The following ADAMTSL3 variants were observed in gnomAD, a reference collection of about 807,000 sequenced individuals.
ADAMTSL3 encodes ADAMTS like 3, also known as ADAMTS-like protein 3.
ADAMTSL3 carries 128 observed loss-of-function variants against 201.7 expected under a neutral mutation model. That is an observed-to-expected ratio of 0.63 (90% confidence interval 0.55 to 0.73). The LOEUF is 0.73. ADAMTSL3 is among the 30% of genes least tolerant of loss of function. The pLI is 0.00. For missense variants in ADAMTSL3, 1,990 were observed against 2,119.6 expected, an observed-to-expected ratio of 0.94 and a Z score of 1.20; for synonymous variants, 738 against 748.4, an observed-to-expected ratio of 0.99 and a Z score of 0.23.
intron 6 of ADAMTSL3, among the ~76,000 whole-genome samples, chr15:83,828,606 G>C (rs1042413083): frequency 2.0e-5 from 3 of 152,276 alleles, no homozygotes; most frequent in African/African-American, 7.2e-5. Flanking sequence ...TCTTGTGCCA[G>C]TTTTCAAAGG....
At chr15:83,908,778 A>G (rs543294797) in intron 15 of ADAMTSL3, among the ~76,000 whole-genome samples, 1 of 152,360 alleles carries the variant, frequency 6.6e-6, no homozygotes, top group African/African-American at 2.4e-5. Context: ...GGTGTAAAAC[A>G]ACACAAATGT....
At chr15:83,799,841 T>C (rs2063489863) in intron 4 of ADAMTSL3, among the ~76,000 whole-genome samples, 1 of 152,214 alleles carries the variant, frequency 6.6e-6, no homozygotes, top group Non-Finnish European at 1.5e-5. Context: ...ATTAAAAACT[T>C]GTAAGTAATA....
intron 16 of ADAMTSL3, among the ~76,000 whole-genome samples, chr15:83,921,192 T>A (rs2066136586): frequency 6.6e-6 from 1 of 152,198 alleles, no homozygotes; most frequent in Non-Finnish European, 1.5e-5. Context: ...GGAGTTCAAT[T>A]GTTTATTATT....
intron 17 of ADAMTSL3, among the ~76,000 whole-genome samples, chr15:83,926,636 G>C (rs969573694): frequency 6.8e-6 from 1 of 147,716 alleles, no homozygotes; most frequent in Non-Finnish European, 1.5e-5. Context: ...TTTTTGAGAC[G>C]GAGTTTCGCT....
At chr15:83,945,801 TC>T (rs2142045341) in intron 19 of ADAMTSL3, 1 of 152,310 alleles carries the variant, frequency 6.6e-6, no homozygotes, top group East Asian at 1.9e-4. Flanking sequence ...GAATCTCAAG[TC>T]CCACCCAGAC....
chr15:83,944,659 G>C (rs1408576679), intron 19 of ADAMTSL3, among the ~76,000 whole-genome samples: 3 of 152,162 alleles, frequency 2.0e-5, no homozygotes, highest in African/African-American at 4.8e-5. Flanking sequence ...ACCCAGGCCT[G>C]TGTGACCCAA....
chr15:83,964,291 G>A (rs2067035019), intron 19 of ADAMTSL3, among the ~76,000 whole-genome samples: 1 of 152,046 alleles, frequency 6.6e-6, no homozygotes, highest in Non-Finnish European at 1.5e-5. Flanking sequence ...AGGGTTAGAG[G>A]AATTGCTAAC....
chr15:83,726,336 G>A (rs1005354656), intron 3 of ADAMTSL3, among the ~76,000 whole-genome samples: 2 of 152,030 alleles, frequency 1.3e-5, no homozygotes, highest in African/African-American at 4.8e-5. Flanking sequence ...CATATCATCT[G>A]AAAACATGGA....
At chr15:83,913,524 T>A (rs1282471893) in intron 16 of ADAMTSL3, 146 bp downstream of exon 16, 1 of 885,740 alleles carries the variant, frequency 1.1e-6, no homozygotes, top group African/African-American at 1.7e-5. Flanking sequence ...ATACTTTTTC[T>A]TCTTTTTCTT....
chr15:83,768,915 G>A lies in ADAMTSL3; in HGVS notation c.190-4608G>A, dbSNP rs145258076. Among the ~76,000 whole-genome samples the A allele has an allele frequency of 2.2e-3, 334 of 152,244 alleles. 2 individuals carry two copies. The highest frequency in any genetic ancestry group is 0.016 in the East Asian group (81 of 5,172). ...GGCTGGCTGCTGGAGACGGCATTGG[G>A]GTTTCAAAACAAAATCCAAGCGTCT... is the stretch of plus-strand genomic sequence containing the variant. On this transcript the variant is annotated intron_variant, in intron 3 of 29. Coordinates refer to ENST00000286744, the MANE Select transcript of ADAMTSL3 (RefSeq NM_207517.3).
At chr15:83,773,443 A>G in intron 3 of ADAMTSL3, 80 bp from the exon 4 acceptor site, 4 of 1,465,762 alleles carry the variant, frequency 2.7e-6, no homozygotes, top group Non-Finnish European at 3.7e-6. Flanking sequence ...TAACTGGGGA[A>G]GATTTGGGAT....
intron 16 of ADAMTSL3, among the ~76,000 whole-genome samples, chr15:83,913,697 C>A (rs1464292720): frequency 6.6e-6 from 1 of 152,112 alleles, no homozygotes; most frequent in Non-Finnish European, 1.5e-5. Flanking sequence ...GTTCATAAAG[C>A]AGTCTTATAG....
chr15:83,702,728 A>C (rs2061793715), intron 2 of ADAMTSL3, among the ~76,000 whole-genome samples: 1 of 152,216 alleles, frequency 6.6e-6, no homozygotes, highest in Non-Finnish European at 1.5e-5. Context: ...CTGGATGCCC[A>C]GGCAAAAGTT....
chr15:83,801,658 ATATATATATATATATATATATATAT>A (rs746025050), intron 4 of ADAMTSL3, among the ~76,000 whole-genome samples: 12,770 of 68,814 alleles, frequency 0.19, 1,755 homozygotes, highest in East Asian at 0.43. Flanking sequence ...ATAAATATAT[ATATATATATATATATATATATATAT>A]ATATATATAT....
At chr15:83,810,928 A>C (rs181681332) in intron 5 of ADAMTSL3, among the ~76,000 whole-genome samples, 478 of 152,184 alleles carry the variant, frequency 3.1e-3, no homozygotes, top group Non-Finnish European at 4.9e-3. Context: ...TAGTAGAAAC[A>C]GGGTTTCACC....
At chr15:83,941,286 A>G (rs1343653566) in intron 17 of ADAMTSL3, among the ~76,000 whole-genome samples, 2 of 151,880 alleles carry the variant, frequency 1.3e-5, no homozygotes, top group Admixed American at 6.6e-5. Flanking sequence ...GGTGTTTATA[A>G]TAGAAAATTA....
At chr15:83,795,485 A>G (rs1047417628) in intron 4 of ADAMTSL3, among the ~76,000 whole-genome samples, 1 of 152,144 alleles carries the variant, frequency 6.6e-6, no homozygotes, top group African/African-American at 2.4e-5. Context: ...TCTTGAGTGT[A>G]TGCGAGTTCA....
intron 4 of ADAMTSL3, among the ~76,000 whole-genome samples, chr15:83,787,994 A>G (rs1434769828): frequency 6.6e-6 from 1 of 152,160 alleles, no homozygotes; most frequent in Non-Finnish European, 1.5e-5. Context: ...TTATTATTAT[A>G]AAGACATGTT....
chr15:83,791,932 A>G lies in ADAMTSL3; in HGVS notation c.318-12718A>G, dbSNP rs148314848. 9.8e-3 allele frequency among the ~76,000 whole-genome samples: 1,493 copies of G among 152,194 alleles called. 25 individuals carry two copies. Among genetic ancestry groups the G allele is most frequent in the African/African-American group, 0.034 (1,409 of 41,524 alleles). ...AAAATGTAAGAAATTTAGCATCCGG[A>G]AGAAACAGAAGAAAAGCTCTATGAC... is the stretch of plus-strand genomic sequence containing the variant. On this transcript the variant is annotated intron_variant, in intron 4 of 29. Coordinates refer to ENST00000286744, the MANE Select transcript of ADAMTSL3 (RefSeq NM_207517.3).
Sources: allele counts gnomAD v4.1 joint callset (sites outside exome capture counted in the v4.1 genomes callset), GRCh38; gene constraint gnomAD v4.1.1; transcripts MANE v1.5; gene names NCBI Gene and HGNC (gene_info 2026-07-23, HGNC 2026-07-21).